The following RANBP17 variants were observed in gnomAD, a reference collection of about 807,000 sequenced individuals.
The protein encoded by RANBP17 is ran-binding protein 17.
A neutral mutation model predicts 141.2 loss-of-function variants in RANBP17; 158 were observed. That is an observed-to-expected ratio of 1.12 (90% confidence interval 0.98 to 1.28). RANBP17 has a LOEUF of 1.28. Among genes scored for constraint, RANBP17 ranks in the 50% most tolerant of loss-of-function variants. The pLI, the probability that RANBP17 is intolerant of heterozygous loss-of-function variation, is 0.00. For synonymous variants in RANBP17, 430 were observed against 450.0 expected (o/e 0.96, Z 0.56); for missense variants, 1,438 against 1,290.7 (o/e 1.11, Z -1.75).
At chr5:171,199,820 G>T (rs765969803) in intron 19 of RANBP17, 47 bp downstream of exon 19, 3 of 1,190,806 alleles carry the variant, frequency 2.5e-6, no homozygotes, top group Non-Finnish European at 3.7e-6. Flanking sequence ...GTTTTTTCTA[G>T]GATATCTAGA....
At position 171,226,512 on chromosome 5, in the gene RANBP17, G is replaced by A. The variant is rs1299650614; in HGVS notation, c.2422+4672G>A. Among the ~76,000 whole-genome samples, 3 of 152,222 alleles carry A rather than the reference G, an allele frequency of 2.0e-5. No individual in the cohort carries two copies. In the East Asian group the frequency reaches 5.8e-4, roughly 29 times the overall value. On this transcript the variant is annotated intron_variant, in intron 22 of 27. Coordinates refer to ENST00000523189, the MANE Select transcript of RANBP17 (RefSeq NM_022897.5). ...CTTTTAAGCAGTGTATGCTCTGGGTGTATGTAAGGTATAACTTAATATGCA... is the reference window on the plus strand; with the variant it reads ...CTTTTAAGCAGTGTATGCTCTGGGTATATGTAAGGTATAACTTAATATGCA...
intron 12 of RANBP17, among the ~76,000 whole-genome samples, chr5:170,937,544 T>G (rs1249802627): frequency 3.3e-5 from 5 of 152,234 alleles, no homozygotes; most frequent in Non-Finnish European, 5.9e-5. Context: ...GTAGTACATT[T>G]GGTACCTTTG....
At chr5:171,084,215 G>C (rs1785469751) in intron 14 of RANBP17, among the ~76,000 whole-genome samples, 1 of 148,982 alleles carries the variant, frequency 6.7e-6, no homozygotes, top group African/African-American at 2.5e-5. Flanking sequence ...TGCAGTGTTT[G>C]TTTTTTTGTT....
intron 22 of RANBP17, among the ~76,000 whole-genome samples, chr5:171,239,473 T>C (rs1764731194): frequency 1.3e-5 from 2 of 152,148 alleles, no homozygotes; most frequent in Admixed American, 1.3e-4. Flanking sequence ...ACTTTTGGAA[T>C]GGATAACTTA....
chr5:171,104,119 C>A (rs1787377422), intron 14 of RANBP17, among the ~76,000 whole-genome samples: 1 of 152,210 alleles, frequency 6.6e-6, no homozygotes. Flanking sequence ...CTCACTGAAA[C>A]CTCCACCTCC....
intron 4 of RANBP17, among the ~76,000 whole-genome samples, chr5:170,893,514 C>G (rs1769830396): frequency 6.6e-6 from 1 of 152,142 alleles, no homozygotes; most frequent in Non-Finnish European, 1.5e-5. Flanking sequence ...ATGATCTGGA[C>G]TGGGCGTGGT....
intron 14 of RANBP17, among the ~76,000 whole-genome samples, chr5:171,103,293 C>T (rs1290202768): frequency 6.6e-6 from 1 of 152,150 alleles, no homozygotes; most frequent in Admixed American, 6.5e-5. Context: ...TTAGAGATGC[C>T]CTGCCCAGAG....
At chr5:171,079,795 A>C (rs938509990) in intron 14 of RANBP17, among the ~76,000 whole-genome samples, 1 of 152,030 alleles carries the variant, frequency 6.6e-6, no homozygotes, top group Non-Finnish European at 1.5e-5. Context: ...AAATGCAACA[A>C]TTTTTTTTGC....
chr5:171,197,899 C>T (rs1399958971), intron 18 of RANBP17, among the ~76,000 whole-genome samples: 3 of 152,066 alleles, frequency 2.0e-5, no homozygotes, highest in East Asian at 1.9e-4. Flanking sequence ...ATTAGCCGGG[C>T]GTTGTGGCAG....
intron 13 of RANBP17, among the ~76,000 whole-genome samples, chr5:170,957,357 AAAGT>A (rs1393298096): frequency 6.6e-6 from 1 of 152,080 alleles, no homozygotes; most frequent in Non-Finnish European, 1.5e-5. Flanking sequence ...GAGGAAAGGG[AAAGT>A]AAGTGAGACA....
intron 14 of RANBP17, 62 bp from the exon 15 acceptor site, chr5:171,170,068 A>G: frequency 2.3e-6 from 2 of 881,374 alleles, no homozygotes; most frequent in Non-Finnish European, 3.5e-6. Flanking sequence ...GTTCAATTCG[A>G]ATAGTCTTTT....
intron 1 of RANBP17, chr5:170,863,338 G>T (rs541452144): frequency 2.0e-5 from 3 of 152,264 alleles, no homozygotes; most frequent in Non-Finnish European, 4.4e-5. Context: ...TATGGTGACA[G>T]TGTATCTAAG....
At chr5:171,209,321 A>C (rs368846057) in intron 20 of RANBP17, among the ~76,000 whole-genome samples, 2 of 152,212 alleles carry the variant, frequency 1.3e-5, no homozygotes, top group East Asian at 3.8e-4. Flanking sequence ...CTTGAATATC[A>C]GTCTAAGGAA....
At chr5:170,862,431 C>T (rs766740498) in intron 1 of RANBP17, among the ~76,000 whole-genome samples, 34 of 152,206 alleles carry the variant, frequency 2.2e-4, no homozygotes, top group Admixed American at 1.2e-3. Flanking sequence ...CCTCGCGCGG[C>T]TGCCGAGCGG....
In RANBP17 at chr5:170,994,246, CAAG is replaced by C. The variant is rs1778683927; in HGVS notation, c.1710+25870_1710+25872del. ...GTCTTGTTTCACCTGTTTATCTAATCAAGTTCGGATATAGAAAGGAAAATTATT... is the reference window on the plus strand; with the variant it reads ...GTCTTGTTTCACCTGTTTATCTAATCTTCGGATATAGAAAGGAAAATTATT... On this transcript the variant is annotated intron_variant, in intron 14 of 27. Transcript: ENST00000523189. Among the ~76,000 whole-genome samples, 3 of 151,902 alleles carry C rather than the reference CAAG, an allele frequency of 2.0e-5. No homozygotes were observed. In the South Asian group the frequency reaches 6.2e-4, roughly 31 times the overall value.
chr5:171,145,640 G>A (rs1334566290), intron 14 of RANBP17, among the ~76,000 whole-genome samples: 1 of 152,050 alleles, frequency 6.6e-6, no homozygotes, highest in Non-Finnish European at 1.5e-5. Flanking sequence ...CATAACAAGC[G>A]AGAACCAATT....
At chr5:170,935,203 T>C (rs1458529633) in intron 12 of RANBP17, among the ~76,000 whole-genome samples, 2 of 152,214 alleles carry the variant, frequency 1.3e-5, no homozygotes, top group African/African-American at 4.8e-5. Flanking sequence ...TAGCCATTCG[T>C]CTACTCTTTT....
At chr5:170,883,832 C>T (rs774639385) in intron 3 of RANBP17, among the ~76,000 whole-genome samples, 8 of 152,138 alleles carry the variant, frequency 5.3e-5, no homozygotes, top group Admixed American at 2.0e-4. Flanking sequence ...CTGGGTATAC[C>T]GCAGTTTATC....
In RANBP17 at chr5:170,954,383, A is replaced by G. The variant is rs182151411; in HGVS notation, c.1574+681A>G. Among the ~76,000 whole-genome samples the G allele has an allele frequency of 4.7e-3, 721 of 152,192 alleles. 4 individuals carry two copies. The highest frequency in any genetic ancestry group is 0.017 in the African/African-American group (697 of 41,526). ...ATGTTTACTGCATGTGTGTTTTTCA[A>G]CTTTTCTTAAACATTACAAAACAAT... On this transcript the variant is annotated intron_variant, in intron 13 of 27. Coordinates refer to ENST00000523189, the MANE Select transcript of RANBP17 (RefSeq NM_022897.5).
Sources: allele counts gnomAD v4.1 joint callset (sites outside exome capture counted in the v4.1 genomes callset), GRCh38; gene constraint gnomAD v4.1.1; transcripts MANE v1.5; gene names NCBI Gene and HGNC (gene_info 2026-07-23, HGNC 2026-07-21).